The following STK17A variants were observed in gnomAD, a reference collection of about 807,000 sequenced individuals.
STK17A encodes the protein serine/threonine-protein kinase 17A.
STK17A carries 26 observed loss-of-function variants against 43.7 expected under a neutral mutation model. That is an observed-to-expected ratio of 0.60 (90% CI 0.44 to 0.83). The LOEUF (loss-of-function observed/expected upper bound fraction) is 0.83, where lower values mean the gene tolerates loss of function less well. Ranked by LOEUF, STK17A falls within the 40% of genes least tolerant of loss-of-function variation. STK17A has a pLI of 0.00. For missense variants in STK17A, 476 were observed against 511.6 expected, an observed-to-expected ratio of 0.93 and a Z score of 0.67; for synonymous variants, 191 against 182.5, an observed-to-expected ratio of 1.05 and a Z score of -0.38.
intron 2 of STK17A, among the ~76,000 whole-genome samples, chr7:43,600,678 G>A (rs768758908): frequency 6.6e-6 from 1 of 152,100 alleles, no homozygotes; most frequent in South Asian, 2.1e-4. Flanking sequence ...TTTTCTGGAG[G>A]ACAGTCTGAA....
intron 1 of STK17A, among the ~76,000 whole-genome samples, chr7:43,593,719 G>T (rs1185661438): frequency 4.8e-5 from 7 of 145,638 alleles, no homozygotes; most frequent in Admixed American, 6.7e-5. Context: ...CAATGAGGTT[G>T]TTTTTTTTTC....
chr7:43,583,424 C>T lies in STK17A; in HGVS notation c.181C>T (p.Leu61=). Residue 61 remains leucine, a synonymous_variant, in exon 1 of 7, where the codon CTG becomes TTG. Coordinates refer to ENST00000319357, the MANE Select transcript of STK17A (RefSeq NM_004760.3). The part of the protein sequence containing the change: ...RTEPFQDGYS[L]CPGRELGRGK... ...CGAGCCCTTCCAGGACGGCTACAGC[C>T]TGTGCCCGGGCCGGGAGCTGGGCAG... 5 of 1,390,422 alleles carry T rather than the reference C, an allele frequency of 3.6e-6. No homozygotes were observed. The highest frequency in any genetic ancestry group is 4.7e-6 in the Non-Finnish European group (5 of 1,072,150). 86.1% of individuals were successfully genotyped at this position (1,390,422 alleles called of 1,614,324 possible).
At chr7:43,616,753 C>T (rs529439039) in intron 3 of STK17A, among the ~76,000 whole-genome samples, 9 of 151,840 alleles carry the variant, frequency 5.9e-5, no homozygotes, top group Admixed American at 3.3e-4. Flanking sequence ...AAAAATTAGC[C>T]GGGCGTGGTG....
intron 2 of STK17A, among the ~76,000 whole-genome samples, chr7:43,599,961 C>G (rs1056006791): frequency 2.0e-5 from 3 of 152,098 alleles, no homozygotes; most frequent in African/African-American, 4.8e-5. Flanking sequence ...GAGAGAGAGA[C>G]CAGCTTGCCT....
In STK17A at chr7:43,583,161, G is replaced by A; in HGVS notation, c.-83G>A. 14 of 1,448,046 alleles carry A rather than the reference G, an allele frequency of 9.7e-6. No homozygotes were observed. The highest frequency in any genetic ancestry group is 1.3e-5 in the Non-Finnish European group (14 of 1,073,230). The allele number at this position is 1,448,046 out of a possible 1,614,324, so 89.7% of individuals were successfully genotyped here. ...GGGTGTTTGAAGGCTCCGCGGACCG[G>A]CACTAGGAGCCGGGGGCGGGTCCGT... is the stretch of plus-strand genomic sequence containing the variant. On this transcript the variant is annotated 5_prime_UTR_variant, in exon 1 of 7. Coordinates refer to ENST00000319357, the MANE Select transcript of STK17A (RefSeq NM_004760.3).
At chr7:43,591,499 C>T (rs953042271) in intron 1 of STK17A, among the ~76,000 whole-genome samples, 10 of 151,362 alleles carry the variant, frequency 6.6e-5, no homozygotes, top group Non-Finnish European at 1.0e-4. Flanking sequence ...CACAGAAAAA[C>T]TTGCTGACCC....
intron 4 of STK17A, among the ~76,000 whole-genome samples, chr7:43,621,747 T>G (rs921790238): frequency 6.6e-6 from 1 of 152,138 alleles, no homozygotes; most frequent in Non-Finnish European, 1.5e-5. Flanking sequence ...CAAGAGCCTT[T>G]CCCCATCTCA....
chr7:43,583,402 G>A lies in STK17A; in HGVS notation c.159G>A (p.Glu53=). ...LTEIRAVVRT[E]PFQDGYSLCP... ...AGATACGCGCCGTGGTGCGCACCGA[G>A]CCCTTCCAGGACGGCTACAGCCTGT... Residue 53 remains glutamate, a synonymous_variant, in exon 1 of 7, where the codon GAG becomes GAA. Coordinates refer to ENST00000319357, the MANE Select transcript of STK17A (RefSeq NM_004760.3). 3 of 1,439,952 alleles carry A rather than the reference G, an allele frequency of 2.1e-6. No individual in the cohort carries two copies. The highest frequency in any genetic ancestry group is 2.7e-6 in the Non-Finnish European group (3 of 1,095,174). The allele number at this position is 1,439,952 out of a possible 1,614,324, so 89.2% of individuals were successfully genotyped here.
chr7:43,603,373 G>A (rs1355138651), intron 2 of STK17A, among the ~76,000 whole-genome samples: 2 of 152,146 alleles, frequency 1.3e-5, no homozygotes, highest in Non-Finnish European at 2.9e-5. Flanking sequence ...AAACAGGCAA[G>A]TTATGATCAC....
intron 1 of STK17A, among the ~76,000 whole-genome samples, chr7:43,587,147 G>GTTTTTTTTTTTTTTTTTTTTT (rs202031785): frequency 8.8e-6 from 1 of 113,450 alleles, no homozygotes. Context: ...TGTTTTTATT[G>GTTTTTTTTTTTTTTTTTTTTT]TTTTTTGTTT....
Position 43,583,122 on chromosome 7 carries a change from G to A in STK17A, c.-122G>A. ...GTCTGCCTGCCGCAGTCCGAGCGCC[G>A]CGCTGGGGAGAGCGGGTGTTTGAAG... On this transcript the variant is annotated 5_prime_UTR_variant, in exon 1 of 7. Coordinates refer to ENST00000319357, the MANE Select transcript of STK17A (RefSeq NM_004760.3). 9.1e-7 allele frequency: 1 copy of A among 1,093,218 alleles called. No individual in the cohort carries two copies. The allele number at this position is 1,093,218 out of a possible 1,614,324, so 67.7% of individuals were successfully genotyped here.
At chr7:43,617,167 C>A (rs1161773494) in intron 3 of STK17A, among the ~76,000 whole-genome samples, 1 of 152,064 alleles carries the variant, frequency 6.6e-6, no homozygotes, top group East Asian at 1.9e-4. Context: ...TATGATGAGT[C>A]TGGAGAGCTA....
At chr7:43,594,231 C>G (rs1195709631) in intron 1 of STK17A, among the ~76,000 whole-genome samples, 2 of 149,906 alleles carry the variant, frequency 1.3e-5, no homozygotes, top group Non-Finnish European at 3.0e-5. Flanking sequence ...GCACTCCAGC[C>G]TGGGCAACAG....
intron 4 of STK17A, among the ~76,000 whole-genome samples, chr7:43,620,102 G>C (rs1408149221): frequency 2.0e-5 from 3 of 152,188 alleles, no homozygotes; most frequent in African/African-American, 7.2e-5. Context: ...CAAGTCTGAG[G>C]CTCCATAGAA....
At chr7:43,610,482 A>G (rs1294563753) in intron 3 of STK17A, among the ~76,000 whole-genome samples, 2 of 151,930 alleles carry the variant, frequency 1.3e-5, no homozygotes, top group South Asian at 2.1e-4. Context: ...CCTGGCCAAC[A>G]TGGTGAAATC....
chr7:43,591,503 C>A (rs987557906), intron 1 of STK17A, among the ~76,000 whole-genome samples: 9 of 151,358 alleles, frequency 5.9e-5, no homozygotes, highest in Admixed American at 3.3e-4. Flanking sequence ...GAAAAACTTG[C>A]TGACCCTAGT....
Position 43,603,856 on chromosome 7 carries a change from CTATG to C in STK17A, c.420-4393_420-4390del, listed in dbSNP as rs557030493. Among the ~76,000 whole-genome samples, 115 of 152,240 alleles carry C rather than the reference CTATG, an allele frequency of 7.6e-4. 3 individuals carry two copies. The South Asian group carries it at 0.023, about 30-fold the overall frequency. On this transcript the variant is annotated intron_variant, in intron 2 of 6. Transcript: ENST00000319357. ...AACATTGTATAAAATTATCTTCAGG[CTATG>C]TATGTAAGTTGCATATGAAATATAA...
At chr7:43,583,554 C>A (rs886327795) in intron 1 of STK17A, 105 bp downstream of exon 1, 11 of 1,004,516 alleles carry the variant, frequency 1.1e-5, no homozygotes, top group Admixed American at 4.4e-5. Flanking sequence ...AGTGGCGTTG[C>A]TGCTGCCGAT....
chr7:43,606,550 TTTAA>T (rs2082590528), intron 2 of STK17A, among the ~76,000 whole-genome samples: 1 of 152,238 alleles, frequency 6.6e-6, no homozygotes, highest in African/African-American at 2.4e-5. Context: ...TTAACAGTTT[TTTAA>T]TTAATTTCCC....
Sources: allele counts gnomAD v4.1 joint callset (sites outside exome capture counted in the v4.1 genomes callset), GRCh38; gene constraint gnomAD v4.1.1; transcripts MANE v1.5; gene names NCBI Gene and HGNC (gene_info 2026-07-23, HGNC 2026-07-21).